Variants in KCNQ1 observed in about 807,000 individuals in gnomAD.
The protein encoded by KCNQ1 is potassium voltage-gated channel subfamily KQT member 1.
Under a neutral mutation model 72.4 loss-of-function variants are expected in KCNQ1, and 49 were observed. That is an observed-to-expected ratio of 0.68 (90% CI 0.54 to 0.86). The LOEUF (loss-of-function observed/expected upper bound fraction) is 0.86. Ranked by LOEUF, KCNQ1 falls within the 40% of genes least tolerant of loss-of-function variation. The probability of loss-of-function intolerance (pLI) is 0.00; values close to 1 mark genes in which losing one functional copy is unlikely to be tolerated. For missense variants in KCNQ1, 790 were observed against 945.1 expected, an observed-to-expected ratio of 0.84 and a Z score of 2.15; for synonymous variants, 450 against 412.6, an observed-to-expected ratio of 1.09 and a Z score of -1.10.
intron 11 of KCNQ1, chr11:2,681,496 T>G (rs1481823654): frequency 7.5e-6 from 3 of 398,392 alleles, no homozygotes; most frequent in Non-Finnish European, 1.3e-5. Flanking sequence ...TGGGACTTAG[T>G]AAAGTCAAAC....
chr11:2,533,995 C>T (rs894602269), intron 2 of KCNQ1, among the ~76,000 whole-genome samples: 7 of 152,218 alleles, frequency 4.6e-5, no homozygotes, highest in African/African-American at 1.4e-4. Context: ...CTCCCCTCTG[C>T]TGAGGCTCCC....
At position 2,593,492 on chromosome 11, in the gene KCNQ1, G is replaced by A. The variant is rs2299618; in HGVS notation, c.1393+4638G>A. Among the ~76,000 whole-genome samples the A allele has an allele frequency of 0.21, 31,968 of 152,148 alleles. 4,640 individuals carry two copies. The highest frequency in any genetic ancestry group is 0.54 in the East Asian group (2,796 of 5,158). ...GGAGGTGATTCTGAAGGGCTTCTGG[G>A]GAGGCGTCTTCAAAGCTGTGCCTGT... On this transcript the variant is annotated intron_variant, in intron 10 of 15. Coordinates refer to ENST00000155840, the MANE Select transcript of KCNQ1 (RefSeq NM_000218.3). The surrounding 1 kb of genome is among the most constrained non-coding windows in gnomAD (Gnocchi z 6.9).
chr11:2,460,196 C>G (rs1846254496), intron 1 of KCNQ1, among the ~76,000 whole-genome samples: 1 of 152,186 alleles, frequency 6.6e-6, no homozygotes. Flanking sequence ...GGGGGCAGGA[C>G]TCCGGGGCAG....
Position 2,703,512 on chromosome 11 carries a change from C to T in KCNQ1, c.1514+41431C>T, listed in dbSNP as rs1850855524. ...GAGCACGCACGCACACACGCACTCA[C>T]AGCTGAAGAGAATTAGGCTCAAAAC... On this transcript the variant is annotated intron_variant, in intron 11 of 15. Transcript: ENST00000155840. The surrounding 1 kb of genome is among the most constrained non-coding windows in gnomAD (Gnocchi z 6.4). 6.6e-6 allele frequency among the ~76,000 whole-genome samples: 1 copy of T among 152,238 alleles called. No individual in the cohort carries two copies. Among genetic ancestry groups the T allele is most frequent in the African/African-American group, 2.4e-5 (1 of 41,452 alleles).
intron 11 of KCNQ1, among the ~76,000 whole-genome samples, chr11:2,763,904 T>C (rs1846452090): frequency 6.6e-6 from 1 of 152,000 alleles, no homozygotes; most frequent in African/African-American, 2.4e-5. Context: ...ACCGGCGTTC[T>C]TGTTAAATTC....
At chr11:2,737,719 A>G (rs569157887) in intron 11 of KCNQ1, among the ~76,000 whole-genome samples, 9 of 152,270 alleles carry the variant, frequency 5.9e-5, no homozygotes, top group Non-Finnish European at 1.3e-4. Context: ...CGGCAGGGAT[A>G]TGGGGTCACA....
At chr11:2,505,419 G>A (rs892166926) in intron 1 of KCNQ1, among the ~76,000 whole-genome samples, 1 of 152,064 alleles carries the variant, frequency 6.6e-6, no homozygotes, top group African/African-American at 2.4e-5. Context: ...ACATTTCCAC[G>A]TGCACTTGGG....
intron 15 of KCNQ1, among the ~76,000 whole-genome samples, chr11:2,780,932 C>T (rs1040589127): frequency 2.0e-5 from 3 of 152,190 alleles, no homozygotes; most frequent in Admixed American, 1.3e-4. Context: ...TGCAGGACGT[C>T]CCCATTCCAG....
At chr11:2,532,782 C>T (rs538637210) in intron 2 of KCNQ1, among the ~76,000 whole-genome samples, 1 of 152,302 alleles carries the variant, frequency 6.6e-6, no homozygotes, top group East Asian at 1.9e-4. Context: ...CACCTGACAG[C>T]AGGTTCCCGA....
chr11:2,674,998 C>A lies in KCNQ1; in HGVS notation c.1514+12917C>A, dbSNP rs963200899. The A allele has an allele frequency of 2.5e-6, 1 of 398,472 alleles. No individual in the cohort carries two copies. The highest frequency in any genetic ancestry group is 3.6e-5 in the East Asian group (1 of 28,082). 24.7% of individuals were successfully genotyped at this position (398,472 alleles called of 1,614,324 possible). A position where few individuals can be genotyped will look rare whatever the true frequency, so the allele number is the denominator to read the frequency against. ...CCTCTTACAGTGGCGGGCACTCAGC[C>A]GGCTTCTTCCCGCCTGACTTCTCTG... On this transcript the variant is annotated intron_variant, in intron 11 of 15. Transcript: ENST00000155840. The surrounding 1 kb of genome is among the most constrained non-coding windows in gnomAD (Gnocchi z 5.9).
chr11:2,667,110 C>G (rs547811942), intron 11 of KCNQ1: 6 of 398,528 alleles, frequency 1.5e-5, no homozygotes, highest in Non-Finnish European at 2.2e-5. Context: ...AAAACCGAGG[C>G]GTAATGGCTC....
rs1035382526 is a variant in KCNQ1, at chr11:2,658,466, C to T, written c.1394-3495C>T. 2.0e-5 allele frequency: 8 copies of T among 398,374 alleles called. No individual in the cohort carries two copies. The highest frequency in any genetic ancestry group is 8.8e-5 in the Admixed American group (2 of 22,710). 24.7% of individuals were successfully genotyped at this position (398,374 alleles called of 1,614,324 possible). On this transcript the variant is annotated intron_variant, in intron 10 of 15. Coordinates refer to ENST00000155840, the MANE Select transcript of KCNQ1 (RefSeq NM_000218.3). This position sits in a 1 kb window ranked among gnomAD's most constrained non-coding sequence, Gnocchi z 4.9. The stretch of plus-strand genomic sequence containing the variant: ...TCATGTGTCCTTTTGATGTGCCCCC[C>T]GCCATCCTTTTCATTTATTTTTAAG...
intron 1 of KCNQ1, among the ~76,000 whole-genome samples, chr11:2,520,264 T>TGTCTCCTCACCAGGACTTCC (rs1195321928): frequency 6.6e-6 from 1 of 152,240 alleles, no homozygotes; most frequent in Non-Finnish European, 1.5e-5. Context: ...CCAGGGCTTC[T>TGTCTCCTCACCAGGACTTCC]GTCTCCTCAC....
chr11:2,699,053 C>G, intron 11 of KCNQ1: 2 of 398,644 alleles, frequency 5.0e-6, no homozygotes, highest in Non-Finnish European at 8.8e-6. Context: ...CCAATTCGGG[C>G]TTTGACTCAA....
chr11:2,825,490 C>T (rs983342460), intron 15 of KCNQ1, among the ~76,000 whole-genome samples: 3 of 152,156 alleles, frequency 2.0e-5, no homozygotes, highest in African/African-American at 7.2e-5. Flanking sequence ...TCCAGTCGTC[C>T]AGCCCTTGCT....
In KCNQ1 at chr11:2,624,408, CTT is replaced by C. The variant is rs1849229117; in HGVS notation, c.1393+35557_1393+35558del. 5.0e-6 allele frequency: 2 copies of C among 398,416 alleles called. No homozygotes were observed. Among genetic ancestry groups the C allele is most frequent in the East Asian group, 3.6e-5 (1 of 28,034 alleles). The allele number at this position is 398,416 out of a possible 1,614,324, so 24.7% of individuals were successfully genotyped here. ...GACAGTATGTTTTACAGAGCAGAAA[CTT>C]TTATTTTTAACAAAGTCTAGCTTAT... On this transcript the variant is annotated intron_variant, in intron 10 of 15. Coordinates refer to ENST00000155840, the MANE Select transcript of KCNQ1 (RefSeq NM_000218.3). The surrounding 1 kb of genome is among the most constrained non-coding windows in gnomAD (Gnocchi z 4.9).
chr11:2,797,802 C>T (rs1847169002), intron 15 of KCNQ1, among the ~76,000 whole-genome samples: 7 of 152,136 alleles, frequency 4.6e-5, no homozygotes, highest in Admixed American at 4.6e-4. Context: ...ACCACATGGC[C>T]TTCGGCACCC....
At chr11:2,719,129 G>A (rs554251021) in intron 11 of KCNQ1, among the ~76,000 whole-genome samples, 15 of 151,990 alleles carry the variant, frequency 9.9e-5, no homozygotes, top group Non-Finnish European at 1.6e-4. Flanking sequence ...GTGTGCTCTC[G>A]GGTGCAGAGC....
At chr11:2,845,231 T>G (rs148743032) in intron 15 of KCNQ1, among the ~76,000 whole-genome samples, 2,255 of 152,130 alleles carry the variant, frequency 0.015, 53 homozygotes, top group African/African-American at 0.052. Flanking sequence ...GCCCTCTGCT[T>G]TCGCCGGCTC....
Sources: gnomAD v4.1 joint callset for allele counts (sites outside exome capture counted in the v4.1 genomes callset) on GRCh38, gnomAD v4.1.1 for gene constraint, Gnocchi (gnomAD v3.1) non-coding constraint, MANE v1.5 for transcripts, NCBI Gene and HGNC (gene_info 2026-07-23, HGNC 2026-07-21) for gene names.